Variants in PDE4D observed in about 807,000 individuals in gnomAD.
PDE4D encodes phosphodiesterase 4D, also known as 3',5'-cyclic-AMP phosphodiesterase 4D.
In PDE4D, 24 loss-of-function variants were observed where a neutral mutation model predicts 87.4. That is an observed-to-expected ratio of 0.27 (90% CI 0.20 to 0.39). PDE4D has a LOEUF of 0.39. PDE4D is among the 10% of genes least tolerant of loss of function. The pLI is 1.00. For synonymous variants in PDE4D, 384 were observed against 383.2 expected, an observed-to-expected ratio of 1.00 and a Z score of -0.02; for missense variants, 714 against 1,041.0, an observed-to-expected ratio of 0.69 and a Z score of 4.32.
At chr5:60,176,379 T>A (rs754820484) in intron 2 of PDE4D, among the ~76,000 whole-genome samples, 3 of 152,132 alleles carry the variant, frequency 2.0e-5, no homozygotes, top group Non-Finnish European at 4.4e-5. Context: ...AGGTAGTTTG[T>A]ATAGATTTTT....
intron 1 of PDE4D, among the ~76,000 whole-genome samples, chr5:59,873,838 A>G (rs925996201): frequency 1.3e-5 from 2 of 152,206 alleles, no homozygotes; most frequent in African/African-American, 4.8e-5. Flanking sequence ...AAAATCAAAA[A>G]GAGTTGTTGA....
chr5:60,254,255 A>G (rs901745229), intron 1 of PDE4D, among the ~76,000 whole-genome samples: 2 of 151,910 alleles, frequency 1.3e-5, no homozygotes, highest in Non-Finnish European at 2.9e-5. Context: ...ACCAAGAGGC[A>G]AGAGATTTCT....
At chr5:59,187,635 C>G (rs1180599305) in intron 3 of PDE4D, among the ~76,000 whole-genome samples, 1 of 152,200 alleles carries the variant, frequency 6.6e-6, no homozygotes, top group African/African-American at 2.4e-5. Flanking sequence ...AGACAATCAG[C>G]TGCCTGGCCA....
At chr5:58,989,306 T>C (rs1400784091) in intron 10 of PDE4D, among the ~76,000 whole-genome samples, 1 of 152,194 alleles carries the variant, frequency 6.6e-6, no homozygotes, top group East Asian at 1.9e-4. Flanking sequence ...ATCAAATTGC[T>C]TTAGTAAACA....
chr5:60,105,407 G>A (rs892517481), intron 2 of PDE4D, among the ~76,000 whole-genome samples: 1 of 152,156 alleles, frequency 6.6e-6, no homozygotes, highest in Non-Finnish European at 1.5e-5. Context: ...CAAAGTGATG[G>A]GGAGAATGGA....
intron 1 of PDE4D, among the ~76,000 whole-genome samples, chr5:59,506,280 G>A (rs1455999912): frequency 6.6e-6 from 1 of 152,042 alleles, no homozygotes; most frequent in African/African-American, 2.4e-5. Context: ...AAGGTATACA[G>A]ATTTCCCATA....
chr5:60,156,933 G>T (rs80250887), intron 2 of PDE4D, among the ~76,000 whole-genome samples: 1,537 of 151,994 alleles, frequency 0.01, 30 homozygotes, highest in East Asian at 0.045. Context: ...AGAATTTTTT[G>T]AACTTCTTTC....
intron 1 of PDE4D, among the ~76,000 whole-genome samples, chr5:60,414,423 T>C (rs1235654791): frequency 6.6e-6 from 1 of 152,130 alleles, no homozygotes; most frequent in Non-Finnish European, 1.5e-5. Context: ...CATCCAGAGA[T>C]AAAGCTACTT....
At chr5:59,935,179 C>G (rs1410190990) in intron 3 of PDE4D, among the ~76,000 whole-genome samples, 2 of 151,974 alleles carry the variant, frequency 1.3e-5, no homozygotes, top group Non-Finnish European at 2.9e-5. Context: ...GACACTGATG[C>G]AGAAGTGTAT....
At chr5:59,340,411 T>C (rs1778516571) in intron 1 of PDE4D, among the ~76,000 whole-genome samples, 1 of 152,144 alleles carries the variant, frequency 6.6e-6, no homozygotes, top group Non-Finnish European at 1.5e-5. Flanking sequence ...CTTTTGTGGG[T>C]ACATAGTAGG....
intron 1 of PDE4D, among the ~76,000 whole-genome samples, 152 bp from the exon 2 acceptor site, chr5:59,216,120 A>T (rs1751203066): frequency 6.6e-6 from 1 of 152,188 alleles, no homozygotes; most frequent in Non-Finnish European, 1.5e-5. Context: ...ATAATATTGA[A>T]ATACATAAAA....
At chr5:60,034,857 C>T (rs938642661) in intron 2 of PDE4D, among the ~76,000 whole-genome samples, 15 of 152,278 alleles carry the variant, frequency 9.9e-5, no homozygotes, top group Middle Eastern at 6.8e-3. Context: ...GGGCACTGAG[C>T]AATCAGCATG....
intron 1 of PDE4D, among the ~76,000 whole-genome samples, chr5:60,333,147 T>C (rs1365529266): frequency 6.6e-6 from 1 of 152,192 alleles, no homozygotes; most frequent in African/African-American, 2.4e-5. Context: ...CCTACAAAGA[T>C]TCATTCATCT....
At chr5:60,086,924 G>C (rs897990859) in intron 2 of PDE4D, among the ~76,000 whole-genome samples, 26 of 152,206 alleles carry the variant, frequency 1.7e-4, no homozygotes, top group African/African-American at 6.3e-4. Flanking sequence ...GCTGCAAGGG[G>C]GGGCACCATT....
At chr5:59,700,237 C>T (rs575020735) in intron 1 of PDE4D, among the ~76,000 whole-genome samples, 1 of 152,230 alleles carries the variant, frequency 6.6e-6, no homozygotes, top group South Asian at 2.1e-4. Flanking sequence ...ATTGCAAACA[C>T]AATTAAAGTA....
intron 1 of PDE4D, among the ~76,000 whole-genome samples, chr5:59,293,099 GGAA>G (rs753318797): frequency 3.4e-4 from 51 of 152,192 alleles, no homozygotes; most frequent in Middle Eastern, 3.4e-3. Context: ...AATTTAGCTG[GGAA>G]GAAGAATACA....
chr5:59,362,775 G>A (rs886680489), intron 1 of PDE4D, among the ~76,000 whole-genome samples: 1 of 152,134 alleles, frequency 6.6e-6, no homozygotes, highest in Non-Finnish European at 1.5e-5. Flanking sequence ...ATAAGCAAAA[G>A]CAGTGATGAA....
chr5:59,302,341 G>T (rs1770427841), intron 1 of PDE4D, among the ~76,000 whole-genome samples: 1 of 151,406 alleles, frequency 6.6e-6, no homozygotes, highest in Admixed American at 6.6e-5. Flanking sequence ...ACTTTACTTT[G>T]CTTCAATAAA....
At chr5:59,927,321 C>T (rs1755400768) in intron 3 of PDE4D, among the ~76,000 whole-genome samples, 1 of 152,116 alleles carries the variant, frequency 6.6e-6, no homozygotes, top group Admixed American at 6.5e-5. Context: ...AATTTTCCTC[C>T]TCTCTCCTCC....
Sources: allele counts gnomAD v4.1 joint callset (sites outside exome capture counted in the v4.1 genomes callset), GRCh38; gene constraint gnomAD v4.1.1; transcripts MANE v1.5; gene names NCBI Gene and HGNC (gene_info 2026-07-23, HGNC 2026-07-21).